Variants in UBTD2 observed in about 807,000 individuals in gnomAD.
UBTD2 encodes ubiquitin domain containing 2, also known as ubiquitin domain-containing protein 2.
In UBTD2, 9 loss-of-function variants were observed where a neutral mutation model predicts 19.8. That is an observed-to-expected ratio of 0.46 (90% CI 0.27 to 0.79). UBTD2 has a LOEUF of 0.79. UBTD2 is among the 30% of genes least tolerant of loss of function. The pLI, the probability that UBTD2 is intolerant of heterozygous loss-of-function variation, is 0.14. For missense variants in UBTD2, 250 were observed against 300.4 expected (o/e 0.83, Z 1.24); for synonymous variants, 98 against 103.9 (o/e 0.94, Z 0.35).
chr5:172,276,578 G>C (rs1377188488), intron 1 of UBTD2, among the ~76,000 whole-genome samples: 1 of 152,150 alleles, frequency 6.6e-6, no homozygotes, highest in African/African-American at 2.4e-5. Context: ...CTGAGCTGGA[G>C]AATCAACTGG....
rs1289156091 is a variant in UBTD2, at chr5:172,273,104, AAAAT to A, written c.70+10488_70+10491del. Among the ~76,000 whole-genome samples, 687 of 150,998 alleles carry A rather than the reference AAAAT, an allele frequency of 4.5e-3. 17 individuals are homozygous for A. The highest frequency in any genetic ancestry group is 0.013 in the African/African-American group (549 of 40,798). On this transcript the variant is annotated intron_variant, in intron 1 of 2. Coordinates refer to ENST00000393792, the MANE Select transcript of UBTD2 (RefSeq NM_152277.3). The stretch of plus-strand genomic sequence containing the variant: ...CGTCTCAAAAAAAAAAATAAAAATA[AAAAT>A]AAAAATCTGTCCAAAGAAGAGGCAT...
intron 1 of UBTD2, among the ~76,000 whole-genome samples, chr5:172,282,460 C>T (rs1755736992): frequency 6.6e-6 from 1 of 151,810 alleles, no homozygotes; most frequent in East Asian, 1.9e-4. Context: ...AATCCATTAG[C>T]CAAAAAACTT....
chr5:172,273,590 C>CAAAAAAAAAAAAAAAAAAAAAA (rs35687001), intron 1 of UBTD2, among the ~76,000 whole-genome samples: 1 of 36,400 alleles, frequency 2.7e-5, no homozygotes, highest in African/African-American at 1.2e-4. Context: ...GACTCCGTCT[C>CAAAAAAAAAAAAAAAAAAAAAA]AAAAAAAAAA....
At chr5:172,243,882 G>A (rs1040615047) in intron 1 of UBTD2, among the ~76,000 whole-genome samples, 1 of 151,780 alleles carries the variant, frequency 6.6e-6, no homozygotes, top group Non-Finnish European at 1.5e-5. Flanking sequence ...TTTTTTTACA[G>A]GATACGACCA....
chr5:172,214,917 T>A (rs1253627261), intron 2 of UBTD2, among the ~76,000 whole-genome samples: 2 of 152,148 alleles, frequency 1.3e-5, no homozygotes, highest in African/African-American at 4.8e-5. Flanking sequence ...CTGAGCAAAC[T>A]GAAAAATCAA....
chr5:172,235,455 G>T lies in UBTD2; in HGVS notation c.71-1097C>A, dbSNP rs1581217256. On this transcript the variant is annotated intron_variant, in intron 1 of 2. Transcript: ENST00000393792. ...TCAAACAGGAACTAATTTACAAAGG[G>T]TAGAATCAGTACTTTAGTTTTTTTG... Among the ~76,000 whole-genome samples, 4 of 152,238 alleles carry T rather than the reference G, an allele frequency of 2.6e-5. 1 individual carries two copies. Among genetic ancestry groups the T allele is most frequent in the Admixed American group, 2.6e-4 (4 of 15,294 alleles).
intron 1 of UBTD2, among the ~76,000 whole-genome samples, chr5:172,240,310 C>T (rs896992909): frequency 6.6e-6 from 1 of 152,078 alleles, no homozygotes; most frequent in Non-Finnish European, 1.5e-5. Context: ...GACTAAGGAT[C>T]GTATGTAGGA....
chr5:172,211,846 G>GT lies in UBTD2; in HGVS notation c.688dup (p.Thr230AsnfsTer8). Reference sequence around the variant, plus strand: ...GGGCTCAGTTCAGTTCTCCACTGGTGTTGGGTTCTGCACAGGTTGGCTCAC... The same window carrying GT: ...GGGCTCAGTTCAGTTCTCCACTGGTGTTTGGGTTCTGCACAGGTTGGCTCAC... On this transcript the variant is annotated frameshift_variant, in exon 3 of 3. Coordinates refer to ENST00000393792, the MANE Select transcript of UBTD2 (RefSeq NM_152277.3). LOFTEE classifies it high-confidence loss of function. 6.2e-7 allele frequency: 1 copy of GT among 1,611,134 alleles called. No individual in the cohort carries two copies. Among genetic ancestry groups the GT allele is most frequent in the Non-Finnish European group, 8.5e-7 (1 of 1,177,778 alleles).
rs1190613889 is a variant in UBTD2 at position 172,254,169 on chromosome 5, G to A, written c.71-19811C>T. On this transcript the variant is annotated intron_variant, in intron 1 of 2. Coordinates refer to ENST00000393792, the MANE Select transcript of UBTD2 (RefSeq NM_152277.3). ...GGCTGGAGTGCAGTGGTGCAATCTCGGCTCACTACAACCTCTGCCTCCCGG... is the reference window on the plus strand; with the variant it reads ...GGCTGGAGTGCAGTGGTGCAATCTCAGCTCACTACAACCTCTGCCTCCCGG... Among the ~76,000 whole-genome samples the A allele has an allele frequency of 2.6e-5, 4 of 152,104 alleles. 1 individual carries two copies. The highest frequency in any genetic ancestry group is 3.4e-3 in the Middle Eastern group (1 of 294).
intron 2 of UBTD2, among the ~76,000 whole-genome samples, chr5:172,217,326 G>A (rs1771563140): frequency 6.6e-6 from 1 of 151,256 alleles, no homozygotes; most frequent in Non-Finnish European, 1.5e-5. Context: ...GGCTGAGGCA[G>A]GAGAATGGCA....
rs1771894529 is a variant in UBTD2, at chr5:172,231,394, A to AG, written c.307+2727dup. ...GGAGAAAATATTCCTTAAACATAGA[A>AG]GGCAAATAGAGGGTCATCTAATAAT... On this transcript the variant is annotated intron_variant, in intron 2 of 2. Transcript: ENST00000393792. 2.0e-5 allele frequency among the ~76,000 whole-genome samples: 3 copies of AG among 152,338 alleles called. No homozygotes were observed. In the South Asian group the frequency reaches 6.2e-4, roughly 32 times the overall value.
At chr5:172,218,295 T>TA (rs1440768422) in intron 2 of UBTD2, among the ~76,000 whole-genome samples, 1 of 152,132 alleles carries the variant, frequency 6.6e-6, no homozygotes, top group Non-Finnish European at 1.5e-5. Context: ...AAACAACTTA[T>TA]AATGTCAGGA....
intron 1 of UBTD2, among the ~76,000 whole-genome samples, chr5:172,279,266 T>C (rs1229779953): frequency 6.6e-6 from 1 of 152,246 alleles, no homozygotes; most frequent in Admixed American, 6.5e-5. Flanking sequence ...AAAACTATTT[T>C]TGCACTAACG....
At chr5:172,261,123 CT>C (rs993489707) in intron 1 of UBTD2, among the ~76,000 whole-genome samples, 3 of 152,206 alleles carry the variant, frequency 2.0e-5, no homozygotes, top group African/African-American at 7.2e-5. Context: ...TAGGTTCCCC[CT>C]CCCCCGCTTC....
At chr5:172,236,665 C>T (rs2029524) in intron 1 of UBTD2, among the ~76,000 whole-genome samples, 49,108 of 152,070 alleles carry the variant, frequency 0.32, 8,022 homozygotes, top group South Asian at 0.42. Flanking sequence ...GCACAGTAAG[C>T]AGGTAGACTC....
rs899142319 is a variant in UBTD2 at position 172,237,096 on chromosome 5, A to G, written c.71-2738T>C. The stretch of plus-strand genomic sequence containing the variant: ...CAAATGCATTTTCTTTAATTTTTAA[A>G]TTTTATTCATATACTTGAGACAGAG... On this transcript the variant is annotated intron_variant, in intron 1 of 2. Coordinates refer to ENST00000393792, the MANE Select transcript of UBTD2 (RefSeq NM_152277.3). Among the ~76,000 whole-genome samples the G allele has an allele frequency of 6.6e-5, 10 of 152,054 alleles. No individual in the cohort carries two copies. The South Asian group carries it at 2.1e-3, about 31-fold the overall frequency.
intron 1 of UBTD2, among the ~76,000 whole-genome samples, chr5:172,240,515 A>G (rs1480601353): frequency 6.6e-6 from 1 of 152,150 alleles, no homozygotes; most frequent in Non-Finnish European, 1.5e-5. Flanking sequence ...TAACTTCATA[A>G]TGAATTCCTA....
chr5:172,236,028 C>G (rs1185455362), intron 1 of UBTD2, among the ~76,000 whole-genome samples: 4 of 152,138 alleles, frequency 2.6e-5, no homozygotes, highest in Admixed American at 2.6e-4. Flanking sequence ...CTCATTGGCC[C>G]AGGGCCAGAT....
intron 1 of UBTD2, chr5:172,255,552 A>G (rs1352718001): frequency 3.7e-6 from 1 of 269,902 alleles, no homozygotes; most frequent in Non-Finnish European, 7.6e-6. Flanking sequence ...AAGCGCAGTA[A>G]TGTCAGGGTT....
Sources: allele counts gnomAD v4.1 joint callset (sites outside exome capture counted in the v4.1 genomes callset), GRCh38; gene constraint gnomAD v4.1.1; transcripts MANE v1.5; gene names NCBI Gene and HGNC (gene_info 2026-07-23, HGNC 2026-07-21).